PPP1R9A: variants seen among roughly 807,000 people sequenced by gnomAD.
PPP1R9A encodes neurabin-1.
PPP1R9A carries 59 observed loss-of-function variants against 141.9 expected under a neutral mutation model. The ratio of observed to expected loss-of-function variants is 0.42; its 90% confidence interval spans 0.34 to 0.52. The LOEUF is 0.52. PPP1R9A is among the 20% of genes least tolerant of loss of function. PPP1R9A has a pLI of 0.10. For synonymous variants in PPP1R9A, 500 were observed against 569.7 expected (o/e 0.88, Z 1.74); for missense variants, 1,444 against 1,611.9 (o/e 0.90, Z 1.78).
At chr7:95,089,166 G>C (rs1817002664) in intron 2 of PPP1R9A, among the ~76,000 whole-genome samples, 1 of 151,950 alleles carries the variant, frequency 6.6e-6, no homozygotes, top group African/African-American at 2.4e-5. Context: ...CAAAATATGA[G>C]AATCTTAAAC....
At chr7:95,000,463 A>G (rs17166566) in intron 2 of PPP1R9A, among the ~76,000 whole-genome samples, 3,988 of 152,192 alleles carry the variant, frequency 0.026, 169 homozygotes, top group African/African-American at 0.091. Context: ...TTTTTTTTAA[A>G]CAAATCTTAT....
intron 2 of PPP1R9A, among the ~76,000 whole-genome samples, chr7:95,016,679 G>T (rs1805155996): frequency 6.6e-6 from 1 of 152,094 alleles, no homozygotes; most frequent in Admixed American, 6.6e-5. Flanking sequence ...TTCAAACTCT[G>T]CACACCTAGG....
chr7:95,182,081 G>T (rs886443716), intron 5 of PPP1R9A, among the ~76,000 whole-genome samples: 4 of 151,982 alleles, frequency 2.6e-5, no homozygotes, highest in African/African-American at 9.7e-5. Flanking sequence ...AGTGTATACT[G>T]CTGGGTGATG....
chr7:95,012,258 G>A (rs915225575), intron 2 of PPP1R9A, among the ~76,000 whole-genome samples: 1 of 152,148 alleles, frequency 6.6e-6, no homozygotes, highest in African/African-American at 2.4e-5. Flanking sequence ...GGTCATGGCG[G>A]AAGGTAAAGA....
At chr7:94,967,621 G>A (rs1478726391) in intron 2 of PPP1R9A, among the ~76,000 whole-genome samples, 2 of 151,980 alleles carry the variant, frequency 1.3e-5, no homozygotes, top group Non-Finnish European at 1.5e-5. Flanking sequence ...ATGTAGTTGC[G>A]TGGTTTTGAG....
chr7:94,970,570 G>A (rs1409970127), intron 2 of PPP1R9A, among the ~76,000 whole-genome samples: 1 of 151,272 alleles, frequency 6.6e-6, no homozygotes, highest in Non-Finnish European at 1.5e-5. Flanking sequence ...CCCATCTTCT[G>A]TGTTGACCTT....
At chr7:95,105,269 T>C (rs1470433748) in intron 2 of PPP1R9A, among the ~76,000 whole-genome samples, 1 of 152,270 alleles carries the variant, frequency 6.6e-6, no homozygotes, top group African/African-American at 2.4e-5. Context: ...TGAAAATGTA[T>C]ATAAGATAAT....
At position 94,910,109 on chromosome 7, in the gene PPP1R9A, T is replaced by C. The variant is rs765729476; in HGVS notation, c.-5T>C. On this transcript the variant is annotated 5_prime_UTR_variant, in exon 2 of 20. The change abolishes the stop of an existing upstream ORF in the 5' untranslated region. Coordinates refer to ENST00000433360, the MANE Select transcript of PPP1R9A (RefSeq NM_001166160.2). This position sits in a 1 kb window ranked among gnomAD's most constrained non-coding sequence, Gnocchi z 4.5. ...GAACATTGGCTTTTCACCCCTGAAGTGAAAATGTTGAAAACTGAGTCTTCA... is the reference window on the plus strand; with the variant it reads ...GAACATTGGCTTTTCACCCCTGAAGCGAAAATGTTGAAAACTGAGTCTTCA... 6.3e-7 allele frequency: 1 copy of C among 1,593,320 alleles called. No individual in the cohort carries two copies. The highest frequency in any genetic ancestry group is 1.8e-5 in the Admixed American group (1 of 54,658).
intron 9 of PPP1R9A, 145 bp downstream of exon 9, chr7:95,247,671 G>A: frequency 1.6e-6 from 1 of 609,346 alleles, no homozygotes; most frequent in Middle Eastern, 4.8e-4. Flanking sequence ...CAGGTACGTA[G>A]ACAAACCTGC....
intron 14 of PPP1R9A, among the ~76,000 whole-genome samples, chr7:95,273,351 C>T (rs896112277): frequency 1.3e-5 from 2 of 152,200 alleles, no homozygotes; most frequent in Non-Finnish European, 2.9e-5. Flanking sequence ...CTCCTCTGTT[C>T]CAGGACCGGC....
At chr7:95,117,751 A>G (rs1821769551) in intron 3 of PPP1R9A, among the ~76,000 whole-genome samples, 1 of 152,212 alleles carries the variant, frequency 6.6e-6, no homozygotes, top group African/African-American at 2.4e-5. Flanking sequence ...TCACAGCTCT[A>G]CATTGGCTTG....
At chr7:94,971,527 C>T (rs1267464645) in intron 2 of PPP1R9A, among the ~76,000 whole-genome samples, 1 of 152,174 alleles carries the variant, frequency 6.6e-6, no homozygotes, top group Non-Finnish European at 1.5e-5. Context: ...CTATCGTAGT[C>T]ATCTTCAAAA....
At chr7:95,026,860 T>A (rs1461223854) in intron 2 of PPP1R9A, among the ~76,000 whole-genome samples, 1 of 152,094 alleles carries the variant, frequency 6.6e-6, no homozygotes. Context: ...AGCTGGAACT[T>A]CCCCTCTGCT....
chr7:95,022,564 A>G (rs1806144536), intron 2 of PPP1R9A, among the ~76,000 whole-genome samples: 1 of 152,170 alleles, frequency 6.6e-6, no homozygotes, highest in Non-Finnish European at 1.5e-5. Flanking sequence ...GCTGGTTTTC[A>G]AAGGGAATGC....
chr7:95,090,301 T>C (rs1817170442), intron 2 of PPP1R9A, among the ~76,000 whole-genome samples: 1 of 151,974 alleles, frequency 6.6e-6, no homozygotes, highest in African/African-American at 2.4e-5. Flanking sequence ...TCTTTTTGTA[T>C]CATAGTCTCA....
intron 2 of PPP1R9A, among the ~76,000 whole-genome samples, chr7:95,008,789 G>C (rs1000344596): frequency 6.6e-6 from 1 of 152,088 alleles, no homozygotes; most frequent in African/African-American, 2.4e-5. Context: ...ATGGGAGAGA[G>C]TGGAGTTTTG....
At chr7:95,252,685 C>T (rs187364772) in intron 12 of PPP1R9A, among the ~76,000 whole-genome samples, 265 of 152,146 alleles carry the variant, frequency 1.7e-3, no homozygotes, top group African/African-American at 6.0e-3. Context: ...CCAGGCTGGT[C>T]TCGAACTCCT....
intron 8 of PPP1R9A, among the ~76,000 whole-genome samples, chr7:95,236,125 C>G (rs768492436): frequency 3.7e-4 from 56 of 152,098 alleles, no homozygotes; most frequent in Non-Finnish European, 7.1e-4. Flanking sequence ...ACCTGTTCCC[C>G]AAAAACCTAT....
chr7:95,041,295 C>T (rs1809199443), intron 2 of PPP1R9A, among the ~76,000 whole-genome samples: 1 of 152,186 alleles, frequency 6.6e-6, no homozygotes, highest in African/African-American at 2.4e-5. Flanking sequence ...TGTTTGTAAT[C>T]TGCAGAGACT....
Sources: gnomAD v4.1 joint callset for allele counts (sites outside exome capture counted in the v4.1 genomes callset) on GRCh38, gnomAD v4.1.1 for gene constraint, Gnocchi (gnomAD v3.1) non-coding constraint, MANE v1.5 for transcripts, NCBI Gene and HGNC (gene_info 2026-07-23, HGNC 2026-07-21) for gene names.